Variants in MSH3 observed in about 807,000 individuals in gnomAD.
MSH3 encodes mutS homolog 3.
A neutral mutation model predicts 123.3 loss-of-function variants in MSH3; 106 were observed. That is an observed-to-expected ratio of 0.86 (90% CI 0.73 to 1.01). The LOEUF is 1.01. Ranked by LOEUF, MSH3 falls within the 50% of genes least tolerant of loss-of-function variation. The pLI is 0.00. For synonymous variants in MSH3, 515 were observed against 481.4 expected (o/e 1.07, Z -0.91); for missense variants, 1,459 against 1,347.6 (o/e 1.08, Z -1.29).
chr5:80,709,402 C>T (rs1580577244), intron 8 of MSH3, among the ~76,000 whole-genome samples: 1 of 152,160 alleles, frequency 6.6e-6, no homozygotes, highest in Admixed American at 6.5e-5. Flanking sequence ...GTGGGCGGAT[C>T]ACGAGGTCAG....
intron 19 of MSH3, among the ~76,000 whole-genome samples, chr5:80,806,121 G>A (rs145499835): frequency 1.7e-4 from 26 of 151,916 alleles, no homozygotes; most frequent in East Asian, 7.8e-4. Flanking sequence ...CTTTTGAGAC[G>A]GAGTTTCACT....
intron 8 of MSH3, among the ~76,000 whole-genome samples, chr5:80,690,687 C>T (rs1258414388): frequency 1.3e-5 from 2 of 152,106 alleles, no homozygotes; most frequent in Non-Finnish European, 2.9e-5. Flanking sequence ...CTCCTTATTA[C>T]TAATGTGATC....
At chr5:80,659,411 A>C (rs1241292966) in intron 2 of MSH3, among the ~76,000 whole-genome samples, 1 of 152,134 alleles carries the variant, frequency 6.6e-6, no homozygotes. Context: ...GTTCTGCCCC[A>C]GCACTCCCCA....
intron 3 of MSH3, among the ~76,000 whole-genome samples, 163 bp downstream of exon 3, chr5:80,665,526 T>A (rs1749551293): frequency 6.6e-6 from 1 of 152,148 alleles, no homozygotes; most frequent in Non-Finnish European, 1.5e-5. Context: ...CTTACATCCC[T>A]GGAGATTCGA....
At chr5:80,757,453 G>A (rs977966692) in intron 12 of MSH3, among the ~76,000 whole-genome samples, 2 of 152,140 alleles carry the variant, frequency 1.3e-5, no homozygotes, top group Admixed American at 1.3e-4. Flanking sequence ...CTGAGTGACA[G>A]CCACACATGG....
intron 10 of MSH3, among the ~76,000 whole-genome samples, chr5:80,740,754 G>A (rs1265188878): frequency 7.4e-6 from 1 of 135,296 alleles, no homozygotes; most frequent in East Asian, 2.1e-4. Flanking sequence ...TCACTCTGTT[G>A]CCCAGGTTGG....
chr5:80,716,931 C>T (rs1477136823), intron 8 of MSH3, among the ~76,000 whole-genome samples: 1 of 152,150 alleles, frequency 6.6e-6, no homozygotes, highest in Non-Finnish European at 1.5e-5. Flanking sequence ...ACTTTTTTAG[C>T]TCCCACATTT....
chr5:80,827,105 C>G (rs547781747), intron 20 of MSH3, among the ~76,000 whole-genome samples: 2 of 152,058 alleles, frequency 1.3e-5, no homozygotes, highest in Non-Finnish European at 2.9e-5. Flanking sequence ...TCTCATCTAG[C>G]CTTTTAGACT....
At chr5:80,718,539 G>A (rs1214311548) in intron 8 of MSH3, among the ~76,000 whole-genome samples, 1 of 123,626 alleles carries the variant, frequency 8.1e-6, no homozygotes, top group East Asian at 2.3e-4. Flanking sequence ...TTTTTCTTGT[G>A]GAGTTTTCCA....
At chr5:80,686,584 A>G (rs1180803735) in intron 8 of MSH3, among the ~76,000 whole-genome samples, 2 of 152,016 alleles carry the variant, frequency 1.3e-5, no homozygotes, top group African/African-American at 4.8e-5. Flanking sequence ...ATTTACAATT[A>G]TCGTATCCTT....
chr5:80,815,888 G>A (rs144061857), intron 20 of MSH3, among the ~76,000 whole-genome samples: 3 of 152,316 alleles, frequency 2.0e-5, no homozygotes, highest in South Asian at 2.1e-4. Context: ...GTCACAGGGT[G>A]TGGAATCAGT....
At chr5:80,826,801 G>C (rs556274105) in intron 20 of MSH3, among the ~76,000 whole-genome samples, 1 of 151,210 alleles carries the variant, frequency 6.6e-6, no homozygotes, top group Admixed American at 6.6e-5. Context: ...CACCTGCCTC[G>C]GCCTCCAGAA....
intron 10 of MSH3, among the ~76,000 whole-genome samples, chr5:80,731,210 C>T (rs2112860045): frequency 6.6e-6 from 1 of 151,962 alleles, no homozygotes; most frequent in South Asian, 2.1e-4. Context: ...GCCTGTCTTC[C>T]TCATATTTAA....
intron 9 of MSH3, 79 bp from the exon 10 acceptor site, chr5:80,728,772 A>G: frequency 1.3e-6 from 1 of 769,468 alleles, no homozygotes; most frequent in Non-Finnish European, 2.2e-6. Context: ...TAACAAGTTA[A>G]TGGTTCTGTT....
chr5:80,827,204 G>A (rs1439069120), intron 20 of MSH3, among the ~76,000 whole-genome samples: 1 of 152,164 alleles, frequency 6.6e-6, no homozygotes, highest in Non-Finnish European at 1.5e-5. Context: ...TCTTCTCTCA[G>A]CATAATTTAT....
At chr5:80,679,485 G>T (rs1250170194) in intron 8 of MSH3, among the ~76,000 whole-genome samples, 1 of 152,234 alleles carries the variant, frequency 6.6e-6, no homozygotes, top group Non-Finnish European at 1.5e-5. Flanking sequence ...TAATTATGGG[G>T]TTTATGATAT....
chr5:80,700,172 G>C (rs945270963), intron 8 of MSH3, among the ~76,000 whole-genome samples: 1 of 152,184 alleles, frequency 6.6e-6, no homozygotes, highest in Non-Finnish European at 1.5e-5. Context: ...TTGAGGTCCG[G>C]AGTTCAAGGT....
At chr5:80,736,903 C>CAG (rs1232403137) in intron 10 of MSH3, among the ~76,000 whole-genome samples, 1 of 152,192 alleles carries the variant, frequency 6.6e-6, no homozygotes, top group African/African-American at 2.4e-5. Context: ...CCTGATTTTG[C>CAG]TTTGCATTCT....
At chr5:80,867,795 A>C (rs1746131504) in intron 22 of MSH3, among the ~76,000 whole-genome samples, 1 of 152,044 alleles carries the variant, frequency 6.6e-6, no homozygotes, top group South Asian at 2.1e-4. Context: ...TTATAAATGT[A>C]AGTTCCTTAT....
Sources: gnomAD v4.1 joint callset for allele counts (sites outside exome capture counted in the v4.1 genomes callset) on GRCh38, gnomAD v4.1.1 for gene constraint, MANE v1.5 for transcripts, NCBI Gene and HGNC (gene_info 2026-07-23, HGNC 2026-07-21) for gene names.